AOX1: variants seen among roughly 807,000 people sequenced by gnomAD.
The protein encoded by AOX1 is aldehyde oxidase.
AOX1 carries 153 observed loss-of-function variants against 169.5 expected under a neutral mutation model. The ratio of observed to expected loss-of-function variants is 0.90; its 90% CI spans 0.79 to 1.03. The LOEUF is 1.03. Ranked by LOEUF, AOX1 falls within the 50% of genes least tolerant of loss-of-function variation. The pLI is 0.00. For synonymous variants in AOX1, 562 were observed against 581.9 expected, an observed-to-expected ratio of 0.97 and a Z score of 0.49; for missense variants, 1,656 against 1,663.9, an observed-to-expected ratio of 1.00 and a Z score of 0.08.
chr2:200,603,899 A>G, intron 7 of AOX1, 118 bp from the exon 8 acceptor site: 1 of 682,714 alleles, frequency 1.5e-6, no homozygotes, highest in East Asian at 2.8e-5. Flanking sequence ...GTGGCTGGCC[A>G]GTGGACTTTT....
downstream of AOX1, among the ~76,000 whole-genome samples, chr2:200,672,540 T>A (rs941563551): frequency 6.6e-6 from 1 of 152,202 alleles, no homozygotes; most frequent in Non-Finnish European, 1.5e-5. Context: ...ATAGAGCATT[T>A]TACTCTGTGC....
chr2:200,593,231 A>T, intron 2 of AOX1, 28 bp downstream of exon 2: 2 of 1,570,728 alleles, frequency 1.3e-6, no homozygotes, highest in African/African-American at 2.7e-5. Context: ...TTGACTGTGT[A>T]TGTGTGTGTG....
intron 16 of AOX1, among the ~76,000 whole-genome samples, chr2:200,620,205 T>G (rs1433223641): frequency 1.3e-5 from 2 of 150,512 alleles, no homozygotes; most frequent in East Asian, 1.9e-4. Flanking sequence ...GTGACTTTTT[T>G]TTTTTTTTTT....
At chr2:200,675,371 C>G (rs2036081278), downstream of AOX1, among the ~76,000 whole-genome samples, 3 of 152,160 alleles carry the variant, frequency 2.0e-5, no homozygotes, top group South Asian at 6.2e-4. Flanking sequence ...AATTGTCTAG[C>G]AAGATGGATA....
rs138993310 is a variant in AOX1 at position 200,599,262 on chromosome 2, C to T, written c.310-358C>T. Reference sequence around the variant, plus strand: ...TCAGTAATTCACAACCACAACTGCACGTTGAAACCAACCATGTGGGAATCT... The same window carrying T: ...TCAGTAATTCACAACCACAACTGCATGTTGAAACCAACCATGTGGGAATCT... On this transcript the variant is annotated intron_variant, in intron 4 of 34. Coordinates refer to ENST00000374700, the MANE Select transcript of AOX1 (RefSeq NM_001159.4). Among the ~76,000 whole-genome samples, 25 of 152,298 alleles carry T rather than the reference C, an allele frequency of 1.6e-4. No homozygotes were observed. The East Asian group carries it at 3.9e-3, about 24-fold the overall frequency.
At chr2:200,598,562 G>A (rs570228273) in intron 4 of AOX1, among the ~76,000 whole-genome samples, 1 of 152,064 alleles carries the variant, frequency 6.6e-6, no homozygotes, top group Non-Finnish European at 1.5e-5. Flanking sequence ...GGCCAATGTA[G>A]TGAAACCCTG....
chr2:200,659,261 G>A lies in AOX1; in HGVS notation c.3268G>A (p.Val1090Met), dbSNP rs1383125063. 1.2e-6 allele frequency: 2 copies of A among 1,613,558 alleles called. No homozygotes were observed. Among genetic ancestry groups the A allele is most frequent in the Non-Finnish European group, 1.7e-6 (2 of 1,179,764 alleles). The part of the protein sequence containing the change: ...VPNANISGGS[V>M]VADLNGLAVK... ...TAATGCAAATATCTCTGGAGGTTCT[G>A]TGGTGGCAGATCTCAACGGTTTGGC... The change falls in exon 28 of 35, where the codon GTG becomes ATG. Residue 1090 changes from valine (V) to methionine (M), a missense_variant. By Grantham distance (21) the Val-to-Met change is conservative. Coordinates refer to ENST00000374700, the MANE Select transcript of AOX1 (RefSeq NM_001159.4).
At chr2:200,670,096 A>C (rs1252730045) in intron 34 of AOX1, among the ~76,000 whole-genome samples, 1 of 152,094 alleles carries the variant, frequency 6.6e-6, no homozygotes. Context: ...CCAGTCCAGG[A>C]ATATAGGCCC....
intron 5 of AOX1, among the ~76,000 whole-genome samples, chr2:200,601,862 G>T (rs2034422743): frequency 6.6e-6 from 1 of 152,158 alleles, no homozygotes; most frequent in African/African-American, 2.4e-5. Flanking sequence ...GAACCCGGAA[G>T]GTGGAAGTTG....
chr2:200,680,736 GGGTT>G (rs1479422085), downstream of AOX1, among the ~76,000 whole-genome samples: 14 of 151,946 alleles, frequency 9.2e-5, no homozygotes, highest in African/African-American at 3.4e-4. Flanking sequence ...AGTAGAGATG[GGGTT>G]TCGCCATGTT....
At chr2:200,597,898 C>T (rs1323552244) in intron 4 of AOX1, among the ~76,000 whole-genome samples, 1 of 152,062 alleles carries the variant, frequency 6.6e-6, no homozygotes, top group African/African-American at 2.4e-5. Flanking sequence ...TGCTTGAGCC[C>T]AGGAGTTTGA....
intron 22 of AOX1, 56 bp from the exon 23 acceptor site, chr2:200,638,159 C>T (rs1344887233): frequency 6.5e-7 from 1 of 1,541,786 alleles, no homozygotes; most frequent in Non-Finnish European, 8.9e-7. Context: ...ATATAAACCC[C>T]AGAGAATGCC....
downstream of AOX1, among the ~76,000 whole-genome samples, chr2:200,673,780 C>T (rs2036059115): frequency 6.6e-6 from 1 of 152,152 alleles, no homozygotes; most frequent in Admixed American, 6.5e-5. Context: ...GGTTATCTAG[C>T]CCCAGCCTGT....
chr2:200,654,036 T>C (rs1269597395), intron 26 of AOX1, among the ~76,000 whole-genome samples: 1 of 151,980 alleles, frequency 6.6e-6, no homozygotes, highest in African/African-American at 2.4e-5. Context: ...CCCTATTCCC[T>C]GAGACACAAT....
Position 200,636,926 on chromosome 2 carries a change from A to G in AOX1, c.2362A>G (p.Thr788Ala). Residue 788 changes from threonine (T) to alanine (A), a missense_variant, in exon 22 of 35, where the codon ACC becomes GCC. Transcript: ENST00000374700. ...TTGTTCACAGGACATTGTTGCCTCA[A>G]CCTTGAAGCTCCCAGCTAACAAGGT... is the stretch of plus-strand genomic sequence containing the variant. Reference protein sequence around the residue: ...PKYIQDIVASTLKLPANKVMC... With the variant: ...PKYIQDIVASALKLPANKVMC... 1 of 1,614,048 alleles carries G rather than the reference A, an allele frequency of 6.2e-7. No individual in the cohort carries two copies. Among genetic ancestry groups the G allele is most frequent in the Non-Finnish European group, 8.5e-7 (1 of 1,179,974 alleles).
At chr2:200,676,163 C>T (rs994584364), downstream of AOX1, among the ~76,000 whole-genome samples, 2 of 151,572 alleles carry the variant, frequency 1.3e-5, no homozygotes, top group African/African-American at 4.8e-5. Context: ...TTAAAATAAG[C>T]CTTCTATTTG....
chr2:200,602,397 T>C (rs2034435364), intron 6 of AOX1, 52 bp downstream of exon 6: 2 of 1,514,922 alleles, frequency 1.3e-6, no homozygotes, highest in African/African-American at 1.4e-5. Flanking sequence ...TGAAACGAAA[T>C]GGTAATGGTT....
intron 20 of AOX1, among the ~76,000 whole-genome samples, chr2:200,628,659 T>C (rs1377839512): frequency 1.3e-5 from 2 of 152,176 alleles, no homozygotes; most frequent in Non-Finnish European, 2.9e-5. Context: ...CTGGGCATGG[T>C]GACTCATGCC....
chr2:200,665,541 C>T (rs1265211558), intron 31 of AOX1, among the ~76,000 whole-genome samples: 2 of 152,206 alleles, frequency 1.3e-5, no homozygotes, highest in African/African-American at 2.4e-5. Context: ...AAGTGATTCT[C>T]GTGCCTCAGC....
Sources: allele counts gnomAD v4.1 joint callset (sites outside exome capture counted in the v4.1 genomes callset), GRCh38; gene constraint gnomAD v4.1.1; transcripts MANE v1.5; gene names NCBI Gene and HGNC (gene_info 2026-07-23, HGNC 2026-07-21).